HMGA2: variants seen among roughly 807,000 people sequenced by gnomAD.
HMGA2 encodes high mobility group AT-hook 2, also known as high mobility group protein HMGI-C.
A neutral mutation model predicts 19.1 loss-of-function variants in HMGA2; 8 were observed. That is an observed-to-expected ratio of 0.42 (90% CI 0.25 to 0.76). HMGA2 has a LOEUF of 0.76. Among genes scored for constraint, HMGA2 ranks in the 30% least tolerant of loss-of-function variants. HMGA2 has a pLI of 0.28. For missense variants in HMGA2, 109 were observed against 136.3 expected (o/e 0.80, Z 1.00); for synonymous variants, 60 against 48.8 (o/e 1.23, Z -0.96).
chr12:65,834,356 A>G (rs747258467), intron 2 of HMGA2, among the ~76,000 whole-genome samples: 6 of 152,146 alleles, frequency 3.9e-5, no homozygotes, highest in Non-Finnish European at 7.4e-5. Context: ...TCATGGGGCT[A>G]TGTCTTTGGG....
At chr12:65,848,574 A>C (rs1871321382) in intron 3 of HMGA2, among the ~76,000 whole-genome samples, 1 of 152,216 alleles carries the variant, frequency 6.6e-6, no homozygotes, top group Non-Finnish European at 1.5e-5. Flanking sequence ...TAAAAGTTTA[A>C]GGCCGGGTGC....
At chr12:65,902,929 T>A (rs1368588235) in intron 3 of HMGA2, among the ~76,000 whole-genome samples, 1 of 152,202 alleles carries the variant, frequency 6.6e-6, no homozygotes, top group African/African-American at 2.4e-5. Flanking sequence ...ATCTAAATTT[T>A]GTAGAGTGAG....
chr12:65,928,510 C>A (rs558120621), intron 3 of HMGA2, among the ~76,000 whole-genome samples: 1 of 152,238 alleles, frequency 6.6e-6, no homozygotes, highest in South Asian at 2.1e-4. Flanking sequence ...AATAAATTAA[C>A]CTTAGCTTAC....
At chr12:65,878,576 T>C (rs1171766871) in intron 3 of HMGA2, among the ~76,000 whole-genome samples, 1 of 152,196 alleles carries the variant, frequency 6.6e-6, no homozygotes, top group African/African-American at 2.4e-5. Flanking sequence ...TCAACACATA[T>C]CTGTTTTAAA....
chr12:65,893,503 G>A (rs1162766037), intron 3 of HMGA2, among the ~76,000 whole-genome samples: 1 of 151,960 alleles, frequency 6.6e-6, no homozygotes, highest in Non-Finnish European at 1.5e-5. Context: ...ATTAGTATTT[G>A]CAAATGGATG....
intron 3 of HMGA2, chr12:65,857,546 A>T (rs1871804569): frequency 6.6e-6 from 1 of 152,236 alleles, no homozygotes; most frequent in Non-Finnish European, 1.5e-5. Flanking sequence ...TCCCATTCTC[A>T]TTCAGCACTG....
chr12:65,910,445 C>T (rs376580668), intron 3 of HMGA2, among the ~76,000 whole-genome samples: 12 of 152,326 alleles, frequency 7.9e-5, no homozygotes, highest in African/African-American at 2.6e-4. Context: ...AAAATCTTTA[C>T]ACCGTACTCA....
intron 3 of HMGA2, among the ~76,000 whole-genome samples, chr12:65,918,162 A>T (rs1565732209): frequency 6.6e-6 from 1 of 152,218 alleles, no homozygotes; most frequent in Non-Finnish European, 1.5e-5. Flanking sequence ...TGTCCTTCCT[A>T]ATCTTAGCAA....
At chr12:65,838,044 A>G (rs1870807964) in intron 2 of HMGA2, among the ~76,000 whole-genome samples, 1 of 152,172 alleles carries the variant, frequency 6.6e-6, no homozygotes, top group Admixed American at 6.5e-5. Flanking sequence ...GACTACCAAT[A>G]TAGGTAGAAG....
intron 3 of HMGA2, among the ~76,000 whole-genome samples, chr12:65,886,706 G>A (rs912051557): frequency 1.3e-5 from 2 of 152,148 alleles, no homozygotes; most frequent in Non-Finnish European, 2.9e-5. Flanking sequence ...TGAGAAGGAC[G>A]TGAGCTAAAA....
At chr12:65,897,155 G>T (rs1026408883) in intron 3 of HMGA2, among the ~76,000 whole-genome samples, 13 of 152,028 alleles carry the variant, frequency 8.6e-5, no homozygotes, top group African/African-American at 3.1e-4. Context: ...TTTTGATGCG[G>T]GCATACAATG....
intron 3 of HMGA2, among the ~76,000 whole-genome samples, chr12:65,934,109 A>C (rs1275322402): frequency 6.6e-6 from 1 of 152,240 alleles, no homozygotes; most frequent in Non-Finnish European, 1.5e-5. Flanking sequence ...GAATTCTCAC[A>C]TCTTTTCAAA....
At chr12:65,879,202 A>G (rs2121085044) in intron 3 of HMGA2, among the ~76,000 whole-genome samples, 1 of 152,296 alleles carries the variant, frequency 6.6e-6, no homozygotes, top group Non-Finnish European at 1.5e-5. Flanking sequence ...ATCACGGCTC[A>G]CTGCTGCCTT....
chr12:65,953,367 C>G (rs1470256588), intron 4 of HMGA2: 1 of 152,088 alleles, frequency 6.6e-6, no homozygotes, highest in African/African-American at 2.4e-5. Flanking sequence ...GATGATAAGA[C>G]TGGAATTTTC....
chr12:65,853,802 T>C (rs941077243), intron 3 of HMGA2, among the ~76,000 whole-genome samples: 10 of 152,160 alleles, frequency 6.6e-5, no homozygotes, highest in African/African-American at 2.4e-4. Flanking sequence ...GCTTTTCCCG[T>C]CTCTCTCTGG....
At chr12:65,931,821 G>A (rs1198933450) in intron 3 of HMGA2, among the ~76,000 whole-genome samples, 1 of 152,116 alleles carries the variant, frequency 6.6e-6, no homozygotes, top group Non-Finnish European at 1.5e-5. Flanking sequence ...GCTGAGACAA[G>A]AGGATCACTT....
At chr12:65,875,905 G>C (rs1872995091) in intron 3 of HMGA2, among the ~76,000 whole-genome samples, 1 of 151,908 alleles carries the variant, frequency 6.6e-6, no homozygotes, top group Non-Finnish European at 1.5e-5. Context: ...TTACTTAGTA[G>C]AGAATGAGCT....
Position 65,917,686 on chromosome 12 carries a change from C to G in HMGA2, c.250-33697C>G, listed in dbSNP as rs1875158525. Reference sequence around the variant, plus strand: ...AGAGACAGAAGGGGGAAGGAAAGAGCAGTAAGAACTGAAAAAGGCTGGAGT... The same window carrying G: ...AGAGACAGAAGGGGGAAGGAAAGAGGAGTAAGAACTGAAAAAGGCTGGAGT... On this transcript the variant is annotated intron_variant, in intron 3 of 4. Transcript: ENST00000403681. Among the ~76,000 whole-genome samples, 5 of 152,112 alleles carry G rather than the reference C, an allele frequency of 3.3e-5. 1 individual carries two copies. The highest frequency in any genetic ancestry group is 3.3e-4 in the Admixed American group (5 of 15,270).
intron 4 of HMGA2, among the ~76,000 whole-genome samples, chr12:65,962,960 G>A (rs1205790970): frequency 1.3e-5 from 2 of 152,032 alleles, no homozygotes; most frequent in Non-Finnish European, 2.9e-5. Flanking sequence ...AGCGTGCATT[G>A]CCCTGACATT....
Sources: allele counts gnomAD v4.1 joint callset (sites outside exome capture counted in the v4.1 genomes callset), GRCh38; gene constraint gnomAD v4.1.1; transcripts MANE v1.5; gene names NCBI Gene and HGNC (gene_info 2026-07-23, HGNC 2026-07-21).